TP63: variants seen among roughly 807,000 people sequenced by gnomAD.
TP63 encodes the protein tumor protein p63.
TP63 carries 17 observed loss-of-function variants against 82.8 expected under a neutral mutation model. The ratio of observed to expected loss-of-function variants is 0.21; its 90% CI spans 0.14 to 0.31. TP63 has a LOEUF of 0.31. Ranked by LOEUF, TP63 falls within the 10% of genes least tolerant of loss-of-function variation. The pLI, the probability that TP63 is intolerant of heterozygous loss-of-function variation, is 1.00. For missense variants in TP63, 648 were observed against 895.3 expected (o/e 0.72, Z 3.52); for synonymous variants, 330 against 321.7 (o/e 1.03, Z -0.28).
chr3:189,756,834 C>T (rs1722224128), intron 3 of TP63, among the ~76,000 whole-genome samples: 1 of 152,128 alleles, frequency 6.6e-6, no homozygotes, highest in Admixed American at 6.6e-5. Flanking sequence ...TTACTTAAGA[C>T]ACTGTGCTCA....
intron 4 of TP63, among the ~76,000 whole-genome samples, chr3:189,808,879 G>A (rs1452441739): frequency 6.6e-6 from 1 of 152,152 alleles, no homozygotes; most frequent in Non-Finnish European, 1.5e-5. Flanking sequence ...GAACGTGAAC[G>A]TGTTTACCAG....
chr3:189,626,893 T>C (rs966854376), upstream of TP63, among the ~76,000 whole-genome samples: 7 of 150,844 alleles, frequency 4.6e-5, no homozygotes, highest in Non-Finnish European at 8.8e-5. Context: ...GTCTGTGAAT[T>C]TTCATATTTC....
chr3:189,827,634 T>C (rs1192243297), intron 4 of TP63, among the ~76,000 whole-genome samples: 2 of 152,128 alleles, frequency 1.3e-5, no homozygotes, highest in East Asian at 1.9e-4. Context: ...AGTAAAGGCA[T>C]GGAGACATGA....
intron 10 of TP63, among the ~76,000 whole-genome samples, chr3:189,875,797 T>C (rs1253341021): frequency 7.0e-6 from 1 of 143,010 alleles, no homozygotes; most frequent in East Asian, 2.0e-4. Flanking sequence ...TTTTAGGAAA[T>C]CCTAAAGTGG....
intron 3 of TP63, among the ~76,000 whole-genome samples, chr3:189,790,558 T>C (rs1515497): frequency 0.33 from 50,863 of 151,884 alleles, 8,836 homozygotes; most frequent in Admixed American, 0.46. Context: ...AAGTTTGTCT[T>C]AGGTATTTAA....
chr3:189,664,986 TA>T (rs1474053351), intron 1 of TP63, among the ~76,000 whole-genome samples: 2 of 152,140 alleles, frequency 1.3e-5, no homozygotes, highest in African/African-American at 4.8e-5. Flanking sequence ...TAGCCATTAT[TA>T]AAAAATAAAC....
chr3:189,808,943 A>T (rs995768726), intron 4 of TP63, among the ~76,000 whole-genome samples: 1 of 152,230 alleles, frequency 6.6e-6, no homozygotes, highest in African/African-American at 2.4e-5. Flanking sequence ...TTAAAAACTG[A>T]GTAAAATAAT....
At chr3:189,761,783 G>A (rs1276794347) in intron 3 of TP63, among the ~76,000 whole-genome samples, 1 of 152,202 alleles carries the variant, frequency 6.6e-6, no homozygotes, top group Non-Finnish European at 1.5e-5. Flanking sequence ...AAAGAAAGAG[G>A]TTTATTGGAC....
At position 189,894,480 on chromosome 3, in the gene TP63, G is replaced by A. The variant is rs34713855; in HGVS notation, c.2021G>A (p.Arg674His). ...DMDARRNKQQ[R>H]IKEEGE is the part of the protein sequence containing the mutation. ...GATGCTCGCCGCAATAAGCAACAGC[G>A]CATCAAAGAGGAGGGGGAGTGAGCC... The change falls in exon 14 of 14, where the codon CGC (arginine) becomes CAC (histidine). Residue 674 changes from arginine (R) to histidine (H), a missense_variant. Arg to His is a conservative substitution (Grantham distance 29, BLOSUM62 0). Around this residue, in one of 5 missense-constraint regions of TP63, gnomAD observed 342 missense variants for 425.7 expected, o/e 0.80. Coordinates refer to ENST00000264731, the MANE Select transcript of TP63 (RefSeq NM_003722.5). 2.8e-5 allele frequency: 45 copies of A among 1,613,490 alleles called. No individual in the cohort carries two copies. The highest frequency in any genetic ancestry group is 1.3e-4 in the African/African-American group (10 of 74,860).
At chr3:189,779,258 G>A (rs564763397) in intron 3 of TP63, among the ~76,000 whole-genome samples, 7 of 152,150 alleles carry the variant, frequency 4.6e-5, no homozygotes, top group East Asian at 1.9e-4. Flanking sequence ...TTACAAAATC[G>A]TCTAGTTCAT....
intron 3 of TP63, among the ~76,000 whole-genome samples, chr3:189,795,151 C>T (rs1372073709): frequency 6.6e-6 from 1 of 151,934 alleles, no homozygotes; most frequent in Admixed American, 6.6e-5. Context: ...AACACTCCAC[C>T]CCAAAATGAA....
chr3:189,658,313 G>A (rs1713570305), intron 1 of TP63, among the ~76,000 whole-genome samples: 1 of 152,010 alleles, frequency 6.6e-6, no homozygotes, highest in African/African-American at 2.4e-5. Context: ...AGAAATACTT[G>A]AAGAAAGGGA....
chr3:189,776,468 A>T (rs1387245316), intron 3 of TP63, among the ~76,000 whole-genome samples: 1 of 152,222 alleles, frequency 6.6e-6, no homozygotes, highest in Non-Finnish European at 1.5e-5. Flanking sequence ...GTGGATGCTT[A>T]ACTGATTGCT....
At chr3:189,818,004 T>A (rs1002941129) in intron 4 of TP63, among the ~76,000 whole-genome samples, 1 of 151,752 alleles carries the variant, frequency 6.6e-6, no homozygotes, top group Admixed American at 6.6e-5. Flanking sequence ...TCCAATTGAA[T>A]AACAATGGAA....
intron 2 of TP63, among the ~76,000 whole-genome samples, chr3:189,738,093 C>A (rs1720724766): frequency 6.6e-6 from 1 of 152,104 alleles, no homozygotes. Context: ...TTTTGGAGGG[C>A]CTAAGGCCTC....
At chr3:189,869,539 A>G in intron 9 of TP63, 133 bp downstream of exon 9, 1 of 771,800 alleles carries the variant, frequency 1.3e-6, no homozygotes, top group Non-Finnish European at 2.2e-6. Context: ...CTGCTACAAC[A>G]AACTACCGTA....
chr3:189,644,309 A>T (rs917200935), intron 1 of TP63, among the ~76,000 whole-genome samples: 1 of 150,080 alleles, frequency 6.7e-6, no homozygotes, highest in Non-Finnish European at 1.5e-5. Flanking sequence ...GCTTGCACCA[A>T]GCCTGTTCCT....
Position 189,808,279 on chromosome 3 carries a change from A to G in TP63, c.332A>G (p.Tyr111Cys). 1 of 1,614,172 alleles carries G rather than the reference A, an allele frequency of 6.2e-7. No homozygotes were observed. The highest frequency in any genetic ancestry group is 8.5e-7 in the Non-Finnish European group (1 of 1,180,022). ...SDLSDPMWPQ[Y>C]TNLGLLNSMD... Reference sequence around the variant, plus strand: ...TTCTGGGTGTCCTTGCAGCCACAGTACACGAACCTGGGGCTCCTGAACAGC... The same window carrying G: ...TTCTGGGTGTCCTTGCAGCCACAGTGCACGAACCTGGGGCTCCTGAACAGC... The change falls in exon 4 of 14, where the codon TAC (tyrosine) becomes TGC (cysteine). Residue 111 changes from tyrosine (Y) to cysteine (C), a missense_variant. Around this residue, in one of 5 missense-constraint regions of TP63, gnomAD observed 182 missense variants for 213.6 expected, o/e 0.85. Coordinates refer to ENST00000264731, the MANE Select transcript of TP63 (RefSeq NM_003722.5).
At chr3:189,818,904 A>G (rs1461819247) in intron 4 of TP63, among the ~76,000 whole-genome samples, 1 of 152,218 alleles carries the variant, frequency 6.6e-6, no homozygotes, top group African/African-American at 2.4e-5. Flanking sequence ...CCTTGATGTT[A>G]GAAAAGGAAT....
Sources: gnomAD v4.1 joint callset for allele counts (sites outside exome capture counted in the v4.1 genomes callset) on GRCh38, gnomAD v4.1.1 for gene constraint, gnomAD v4.1.1 regional missense constraint, MANE v1.5 for transcripts, NCBI Gene and HGNC (gene_info 2026-07-23, HGNC 2026-07-21) for gene names.